The following SLC22A23 variants were observed in gnomAD, a reference collection of about 807,000 sequenced individuals.
SLC22A23 encodes solute carrier family 22 member 23, also known as ion transporter protein.
A neutral mutation model predicts 61.0 loss-of-function variants in SLC22A23; 26 were observed. The observed-to-expected ratio is 0.43, with a 90% CI of 0.31 to 0.59. SLC22A23 has a LOEUF of 0.59. SLC22A23 is among the 20% of genes least tolerant of loss of function. SLC22A23 has a pLI of 0.11. For synonymous variants in SLC22A23, 430 were observed against 413.9 expected (o/e 1.04, Z -0.47); for missense variants, 796 against 934.7 (o/e 0.85, Z 1.94).
At chr6:3,287,270 G>A (rs1232716151) in intron 6 of SLC22A23, among the ~76,000 whole-genome samples, 179 bp from the exon 7 acceptor site, 6 of 152,246 alleles carry the variant, frequency 3.9e-5, no homozygotes, top group Admixed American at 1.3e-4. Flanking sequence ...AAGAGGAGAC[G>A]TGGGAGAAAT....
At chr6:3,429,214 C>T (rs1339327417) in intron 1 of SLC22A23, among the ~76,000 whole-genome samples, 2 of 152,190 alleles carry the variant, frequency 1.3e-5, no homozygotes, top group African/African-American at 4.8e-5. Flanking sequence ...TATGCGTGCA[C>T]ATCAATGGAT....
chr6:3,284,079 T>A lies in SLC22A23; in HGVS notation c.1580-104A>T, dbSNP rs35316373. On this transcript the variant is annotated intron_variant, in intron 8 of 9. Coordinates refer to ENST00000406686, the MANE Select transcript of SLC22A23 (RefSeq NM_015482.2). ...GCACAGCTCCTTCCCAGTGTCCAGC[T>A]TGCGGCATGGATGGGTATGCAATTC... 3,568 of 1,231,810 alleles carry A rather than the reference T, an allele frequency of 2.9e-3. 99 individuals are homozygous for A. The Admixed American group carries it at 0.057, about 20-fold the overall frequency. 76.3% of individuals were successfully genotyped at this position (1,231,810 alleles called of 1,614,324 possible). A position where few individuals can be genotyped will look rare whatever the true frequency, so the allele number is the denominator to read the frequency against.
In SLC22A23 at chr6:3,323,863, G is replaced by A; in HGVS notation, c.1053C>T (p.Cys351=). 1 of 1,614,078 alleles carries A rather than the reference G, an allele frequency of 6.2e-7. No homozygotes were observed. The highest frequency in any genetic ancestry group is 8.5e-7 in the Non-Finnish European group (1 of 1,179,990). The change falls in exon 4 of 10, where the codon TGC becomes TGT. Residue 351 remains cysteine (C), a synonymous_variant. Transcript: ENST00000406686. ...AGTAGAGCAGCATGAGCAGGAAGGG[G>A]CAGATGATGAGGGCCTGCAGCACCT... is the stretch of plus-strand genomic sequence containing the variant. ...DWQVLQALII[C]PFLLMLLYWS...
intron 3 of SLC22A23, among the ~76,000 whole-genome samples, chr6:3,370,378 C>A (rs183267466): frequency 6.6e-6 from 1 of 152,384 alleles, no homozygotes; most frequent in African/African-American, 2.4e-5. Context: ...TGCCTTCCAA[C>A]GGCAGGTGGC....
chr6:3,361,508 A>G, intron 3 of SLC22A23, among the ~76,000 whole-genome samples: 1 of 152,198 alleles, frequency 6.6e-6, no homozygotes, highest in Non-Finnish European at 1.5e-5. Context: ...CTGGGGTCCC[A>G]GGAGAACGGC....
chr6:3,319,502 C>T (rs1762828316), intron 4 of SLC22A23, among the ~76,000 whole-genome samples: 1 of 152,150 alleles, frequency 6.6e-6, no homozygotes, highest in South Asian at 2.1e-4. Flanking sequence ...CCGCCTCTGC[C>T]CCACAATGTG....
Position 3,284,980 on chromosome 6 carries a change from A to C in SLC22A23, c.1579+99T>G, listed in dbSNP as rs186857173. Reference sequence around the variant, plus strand: ...CAGTTCTTGGAGGGCAACGGGGAGAAAGAGAAAATGGAAACCACAGGTCCG... The same window carrying C: ...CAGTTCTTGGAGGGCAACGGGGAGACAGAGAAAATGGAAACCACAGGTCCG... On this transcript the variant is annotated intron_variant, in intron 8 of 9. Transcript: ENST00000406686. 1,083 of 1,556,988 alleles carry C rather than the reference A, an allele frequency of 7.0e-4. 2 individuals are homozygous for C. The highest frequency in any genetic ancestry group is 8.8e-4 in the Non-Finnish European group (1,008 of 1,150,366).
intron 4 of SLC22A23, among the ~76,000 whole-genome samples, chr6:3,315,366 A>G (rs4129650): frequency 0.33 from 49,930 of 152,064 alleles, 8,886 homozygotes; most frequent in East Asian, 0.59. Flanking sequence ...TCCCCACAGC[A>G]CAGAGGAAAT....
intron 4 of SLC22A23, among the ~76,000 whole-genome samples, chr6:3,307,002 C>T (rs1161761180): frequency 6.6e-6 from 1 of 152,224 alleles, no homozygotes; most frequent in Non-Finnish European, 1.5e-5. Context: ...GGTATGGATA[C>T]AGCAATGGAG....
chr6:3,443,350 G>A (rs988775813), intron 1 of SLC22A23, among the ~76,000 whole-genome samples: 1 of 152,172 alleles, frequency 6.6e-6, no homozygotes, highest in Non-Finnish European at 1.5e-5. Flanking sequence ...GCAGGGGTGG[G>A]AGTGACAATT....
At chr6:3,432,127 C>A (rs1016661662) in intron 1 of SLC22A23, 2 of 847,252 alleles carry the variant, frequency 2.4e-6, no homozygotes, top group African/African-American at 1.8e-5. Context: ...CTGAGTAATC[C>A]CCAAGGTTCC....
chr6:3,310,416 C>CCTGTCTCCCAGGGAGCACCCTGT (rs1554137756), intron 4 of SLC22A23, among the ~76,000 whole-genome samples: 10 of 115,474 alleles, frequency 8.7e-5, no homozygotes, highest in African/African-American at 1.9e-4. Context: ...ACTCAAGCAC[C>CCTGTCTCCCAGGGAGCACCCTGT]CTGTCTCCCA....
rs1370309313 is a variant in SLC22A23 at position 3,273,308 on chromosome 6, A to G, written c.1808T>C (p.Ile603Thr). 6.2e-7 allele frequency: 1 copy of G among 1,614,092 alleles called. No individual in the cohort carries two copies. Among genetic ancestry groups the G allele is most frequent in the South Asian group, 1.1e-5 (1 of 91,082 alleles). Residue 603 changes from isoleucine (I) to threonine (T), a missense_variant, in exon 10 of 10, where the codon ATC (isoleucine) becomes ACC (threonine). By Grantham distance (89) the Ile-to-Thr change is moderately conservative. Transcript: ENST00000406686. ...NQKGYFLHHIIFACCTLICII... is the reference protein window; with the variant it reads ...NQKGYFLHHITFACCTLICII... The stretch of plus-strand genomic sequence containing the variant: ...GCAGATGAGCGTGCAGCAGGCAAAG[A>G]TGATGTGGTGCAGGAAGTAGCCTTT...
intron 6 of SLC22A23, 115 bp downstream of exon 6, chr6:3,289,649 C>T (rs761247253): frequency 3.1e-5 from 25 of 811,766 alleles, no homozygotes; most frequent in Non-Finnish European, 4.5e-5. Flanking sequence ...TTCACACACA[C>T]ACCCTTAGGA....
chr6:3,360,967 G>A lies in SLC22A23; in HGVS notation c.914-36965C>T, dbSNP rs1422301818. On this transcript the variant is annotated intron_variant, in intron 3 of 9. Transcript: ENST00000406686. The surrounding 1 kb of genome is among the most constrained non-coding windows in gnomAD (Gnocchi z 4.6). ...GAGGCGCTAGCGAACATCAGCAGCT[G>A]CGGGGAGCTCGAGGCAGCAGGGATG... Among the ~76,000 whole-genome samples the A allele has an allele frequency of 6.6e-6, 1 of 152,224 alleles. No individual in the cohort carries two copies. Among genetic ancestry groups the A allele is most frequent in the Non-Finnish European group, 1.5e-5 (1 of 68,034 alleles).
Position 3,323,895 on chromosome 6 carries a change from C to A in SLC22A23, c.1021G>T (p.Asp341Tyr). The change falls in exon 4 of 10, where the codon GAT becomes TAT. Residue 341 changes from aspartate (D) to tyrosine (Y), a missense_variant. Transcript: ENST00000406686. ...LMPGLAALCR[D>Y]WQVLQALIIC... ...ATGAGGGCCTGCAGCACCTGCCAAT[C>A]CCGGCACAGGGCGGCTAGCCCAGGC... 6.2e-7 allele frequency: 1 copy of A among 1,614,194 alleles called. No homozygotes were observed. Among genetic ancestry groups the A allele is most frequent in the Non-Finnish European group, 8.5e-7 (1 of 1,180,034 alleles).
chr6:3,440,610 G>A (rs990836544), intron 1 of SLC22A23, among the ~76,000 whole-genome samples: 10 of 151,978 alleles, frequency 6.6e-5, no homozygotes, highest in Non-Finnish European at 1.2e-4. Flanking sequence ...GGGAGGCTGA[G>A]GCAGGAGAAT....
chr6:3,448,199 G>A (rs887216688), intron 1 of SLC22A23, among the ~76,000 whole-genome samples: 14 of 151,664 alleles, frequency 9.2e-5, no homozygotes, highest in South Asian at 6.3e-4. Context: ...CACCGCGCCC[G>A]GCCAAAAAAA....
intron 3 of SLC22A23, among the ~76,000 whole-genome samples, chr6:3,399,076 G>A (rs1768206415): frequency 7.2e-6 from 1 of 138,542 alleles, no homozygotes; most frequent in Admixed American, 7.0e-5. Context: ...AAAACACTCA[G>A]AAGGCCCCTG....
Sources: gnomAD v4.1 joint callset for allele counts (sites outside exome capture counted in the v4.1 genomes callset) on GRCh38, gnomAD v4.1.1 for gene constraint, Gnocchi (gnomAD v3.1) non-coding constraint, MANE v1.5 for transcripts, NCBI Gene and HGNC (gene_info 2026-07-23, HGNC 2026-07-21) for gene names.